The following LRMDA variants were observed in gnomAD, a reference collection of about 807,000 sequenced individuals.
LRMDA encodes leucine rich melanocyte differentiation associated, also known as leucine-rich melanocyte differentiation-associated protein.
A neutral mutation model predicts 29.8 loss-of-function variants in LRMDA; 18 were observed. The observed-to-expected ratio is 0.60, with a 90% CI of 0.42 to 0.90. The LOEUF (loss-of-function observed/expected upper bound fraction) is 0.90. Among genes scored for constraint, LRMDA ranks in the 40% least tolerant of loss-of-function variants. LRMDA has a pLI of 0.00. For synonymous variants in LRMDA, 125 were observed against 109.4 expected (o/e 1.14, Z -0.89); for missense variants, 273 against 273.9 (o/e 1.00, Z 0.02).
chr10:75,825,043 C>T (rs767294102), intron 2 of LRMDA, among the ~76,000 whole-genome samples: 4 of 152,018 alleles, frequency 2.6e-5, no homozygotes, highest in Admixed American at 6.5e-5. Context: ...TATCAGCTGA[C>T]GCCATAAGCT....
Position 75,616,324 on chromosome 10 carries a change from A to G in LRMDA, c.131+177830A>G, listed in dbSNP as rs554265548. Among the ~76,000 whole-genome samples the G allele has an allele frequency of 5.3e-4, 80 of 152,096 alleles. No homozygotes were observed. In the South Asian group the frequency reaches 9.9e-3, roughly 19 times the overall value. On this transcript the variant is annotated intron_variant, in intron 2 of 6. Transcript: ENST00000611255. ...GTGGTGGTGGTGTTTATTTGATTCA[A>G]TTATCTCCACCTGGCTCCGCCCTTG... is the stretch of plus-strand genomic sequence containing the variant.
At chr10:75,919,082 T>TA (rs1291643141) in intron 2 of LRMDA, among the ~76,000 whole-genome samples, 1 of 152,210 alleles carries the variant, frequency 6.6e-6, no homozygotes, top group Non-Finnish European at 1.5e-5. Flanking sequence ...GTGCCGTTAT[T>TA]AATGTCTATT....
chr10:76,024,487 G>T (rs550956214), intron 2 of LRMDA, among the ~76,000 whole-genome samples: 27 of 152,206 alleles, frequency 1.8e-4, no homozygotes, highest in Non-Finnish European at 3.2e-4. Context: ...CACTTTTGGA[G>T]GTCACCATAT....
chr10:76,118,522 T>G (rs1050512224), intron 5 of LRMDA, among the ~76,000 whole-genome samples: 1 of 152,152 alleles, frequency 6.6e-6, no homozygotes, highest in African/African-American at 2.4e-5. Context: ...TATTTAAAAT[T>G]CAGGAAATGC....
chr10:75,786,878 A>G (rs1477772271), intron 2 of LRMDA, among the ~76,000 whole-genome samples: 2 of 152,236 alleles, frequency 1.3e-5, no homozygotes, highest in East Asian at 1.9e-4. Context: ...CTAAAAGCCT[A>G]GTGACTTGAC....
intron 2 of LRMDA, among the ~76,000 whole-genome samples, chr10:75,734,467 C>T (rs1382721409): frequency 2.0e-5 from 3 of 152,152 alleles, no homozygotes; most frequent in Non-Finnish European, 4.4e-5. Context: ...CTCTAGGTCT[C>T]GGTCCCTACT....
chr10:75,654,653 C>A (rs1841644706), intron 2 of LRMDA, among the ~76,000 whole-genome samples: 1 of 152,126 alleles, frequency 6.6e-6, no homozygotes, highest in Non-Finnish European at 1.5e-5. Context: ...GAAGTAAAAC[C>A]AAACCACAGT....
chr10:75,792,016 C>T (rs772548576), intron 2 of LRMDA, among the ~76,000 whole-genome samples: 5 of 151,076 alleles, frequency 3.3e-5, no homozygotes, highest in Admixed American at 6.6e-5. Context: ...CCCGCCACCA[C>T]GCCCGGCTAA....
chr10:76,148,335 C>T (rs1328570091), intron 5 of LRMDA, among the ~76,000 whole-genome samples: 1 of 152,196 alleles, frequency 6.6e-6, no homozygotes, highest in East Asian at 1.9e-4. Flanking sequence ...GAGCTCCACC[C>T]AGTTCTAGCT....
intron 6 of LRMDA, among the ~76,000 whole-genome samples, chr10:76,504,724 CAG>C (rs1451868345): frequency 1.3e-5 from 2 of 152,018 alleles, no homozygotes; most frequent in African/African-American, 4.8e-5. Context: ...TAAATGATGG[CAG>C]AGAGTTTGAT....
intron 2 of LRMDA, among the ~76,000 whole-genome samples, chr10:75,724,511 A>G (rs1842607372): frequency 6.6e-6 from 1 of 152,184 alleles, no homozygotes; most frequent in East Asian, 1.9e-4. Flanking sequence ...TAAGCTATGT[A>G]GCCTAAGAAA....
intron 2 of LRMDA, among the ~76,000 whole-genome samples, chr10:75,919,971 CTT>C (rs1483227378): frequency 6.6e-6 from 1 of 152,152 alleles, no homozygotes; most frequent in African/African-American, 2.4e-5. Context: ...CCTCTCTACT[CTT>C]TCTTTCTCTC....
chr10:76,101,303 G>A (rs555315790), intron 5 of LRMDA, among the ~76,000 whole-genome samples: 5 of 152,222 alleles, frequency 3.3e-5, no homozygotes, highest in African/African-American at 1.2e-4. Context: ...GGTCTTATTA[G>A]GTCCTTGGGT....
At chr10:75,576,270 A>C (rs1192131951) in intron 2 of LRMDA, among the ~76,000 whole-genome samples, 1 of 152,186 alleles carries the variant, frequency 6.6e-6, no homozygotes, top group Non-Finnish European at 1.5e-5. Context: ...GAACTGGGCA[A>C]AGCCCACCAC....
chr10:76,324,509 T>C (rs1333165377), intron 6 of LRMDA, 24 bp downstream of exon 6: 1 of 1,603,680 alleles, frequency 6.2e-7, no homozygotes, highest in South Asian at 1.1e-5. Context: ...TTTTTATTGC[T>C]CTCAGTGGGT....
chr10:76,147,645 T>C, intron 5 of LRMDA, among the ~76,000 whole-genome samples: 1 of 151,978 alleles, frequency 6.6e-6, no homozygotes, highest in Non-Finnish European at 1.5e-5. Flanking sequence ...CTCCTGTAGC[T>C]CAGAGTAGTT....
At chr10:76,145,442 T>C (rs879341312) in intron 5 of LRMDA, among the ~76,000 whole-genome samples, 34 of 152,108 alleles carry the variant, frequency 2.2e-4, no homozygotes, top group African/African-American at 8.2e-4. Flanking sequence ...TCAAGGAATT[T>C]ATCTATTTCT....
Position 76,523,842 on chromosome 10 carries a change from A to T in LRMDA, c.602-33367A>T, listed in dbSNP as rs998275030. Among the ~76,000 whole-genome samples the T allele has an allele frequency of 9.2e-5, 14 of 152,184 alleles. 1 individual carries two copies. In the South Asian group the frequency reaches 1.7e-3, roughly 18 times the overall value. On this transcript the variant is annotated intron_variant, in intron 6 of 6. Transcript: ENST00000611255. ...TCCCAACTTTAACTTTTGAAAAGCC[A>T]AGCAGTTTGGCTGGCCAGGCCCAGG...
intron 2 of LRMDA, among the ~76,000 whole-genome samples, chr10:75,551,295 A>G (rs1192957891): frequency 6.6e-6 from 1 of 152,050 alleles, no homozygotes; most frequent in Admixed American, 6.6e-5. Context: ...GAAGCACTAA[A>G]AAGTAAGACC....
Sources: allele counts gnomAD v4.1 joint callset (sites outside exome capture counted in the v4.1 genomes callset), GRCh38; gene constraint gnomAD v4.1.1; transcripts MANE v1.5; gene names NCBI Gene and HGNC (gene_info 2026-07-23, HGNC 2026-07-21).